Variants in DIP2B observed in about 807,000 individuals in gnomAD.
DIP2B encodes the protein DIP2 acetate--CoA ligase B (putative).
Under a neutral mutation model 198.0 loss-of-function variants are expected in DIP2B, and 76 were observed. The ratio of observed to expected loss-of-function variants is 0.38; its 90% CI spans 0.32 to 0.46. DIP2B has a LOEUF of 0.46. DIP2B is among the 20% of genes least tolerant of loss of function. The pLI, the probability that DIP2B is intolerant of heterozygous loss-of-function variation, is 0.99. For synonymous variants in DIP2B, 701 were observed against 739.1 expected (o/e 0.95, Z 0.84); for missense variants, 1,559 against 1,978.4 (o/e 0.79, Z 4.02).
Position 50,728,433 on chromosome 12 carries a change from T to A in DIP2B, c.3511-115T>A, listed in dbSNP as rs1292630465. On this transcript the variant is annotated intron_variant, in intron 29 of 37. Transcript: ENST00000301180. ...AGATTAGGCTTTGAAGCACTAAAAA[T>A]TATGCATTGTTTTGAGGAGTTTAGG... 3 of 1,236,644 alleles carry A rather than the reference T, an allele frequency of 2.4e-6. No homozygotes were observed. In the African/African-American group the frequency reaches 4.6e-5, roughly 19 times the overall value. The allele number at this position is 1,236,644 out of a possible 1,614,324, so 76.6% of individuals were successfully genotyped here.
intron 5 of DIP2B, among the ~76,000 whole-genome samples, chr12:50,672,776 G>A (rs991474865): frequency 6.6e-6 from 1 of 152,114 alleles, no homozygotes; most frequent in Admixed American, 6.5e-5. Context: ...TTACTGTAGT[G>A]TATATTCTTC....
chr12:50,514,967 T>TA (rs1281122442), intron 1 of DIP2B, among the ~76,000 whole-genome samples: 4 of 151,334 alleles, frequency 2.6e-5, no homozygotes, highest in Admixed American at 6.6e-5. Flanking sequence ...CTTCCAGCTT[T>TA]AAAAAAAACA....
At chr12:50,734,458 ATAAAT>A (rs959869366) in intron 33 of DIP2B, among the ~76,000 whole-genome samples, 11 of 152,274 alleles carry the variant, frequency 7.2e-5, no homozygotes, top group African/African-American at 2.2e-4. Flanking sequence ...GACATTTGAT[ATAAAT>A]TAAACTAAAA....
intron 19 of DIP2B, among the ~76,000 whole-genome samples, chr12:50,702,686 A>G (rs1331591050): frequency 7.4e-6 from 1 of 134,802 alleles, no homozygotes; most frequent in Non-Finnish European, 1.6e-5. Context: ...TACGCCTGTG[A>G]CTAGCCACTG....
chr12:50,585,775 T>C (rs1024191008), intron 1 of DIP2B, among the ~76,000 whole-genome samples: 2 of 152,224 alleles, frequency 1.3e-5, no homozygotes, highest in African/African-American at 4.8e-5. Context: ...TTATATGCAA[T>C]TAATGCAGAG....
intron 1 of DIP2B, among the ~76,000 whole-genome samples, chr12:50,546,876 A>G (rs1180100826): frequency 6.6e-6 from 1 of 152,246 alleles, no homozygotes; most frequent in East Asian, 1.9e-4. Flanking sequence ...TCTCTTGTCA[A>G]GTTATAACTG....
At chr12:50,682,483 G>A (rs989817262) in intron 9 of DIP2B, among the ~76,000 whole-genome samples, 8 of 151,940 alleles carry the variant, frequency 5.3e-5, no homozygotes, top group African/African-American at 7.3e-5. Flanking sequence ...TTAAAAATTA[G>A]CCAGGCGTGG....
Position 50,732,348 on chromosome 12 carries a change from T to A in DIP2B, c.3811-18T>A. On this transcript the variant is annotated intron_variant, in intron 31 of 37. Transcript: ENST00000301180. ...TATGATCCTACTGACTTGGCTCCCA[T>A]ATAATGGTGTCTTGCAGACCAGAGG... The A allele has an allele frequency of 6.2e-7, 1 of 1,613,906 alleles. No individual in the cohort carries two copies. Among genetic ancestry groups the A allele is most frequent in the Non-Finnish European group, 8.5e-7 (1 of 1,179,790 alleles).
In DIP2B at chr12:50,671,407, T is replaced by C. The variant is rs1938852026; in HGVS notation, c.640+9T>C. The C allele has an allele frequency of 6.2e-7, 1 of 1,613,564 alleles. No homozygotes were observed. The highest frequency in any genetic ancestry group is 8.5e-7 in the Non-Finnish European group (1 of 1,179,626). On this transcript the variant is annotated intron_variant, in intron 5 of 37. Coordinates refer to ENST00000301180, the MANE Select transcript of DIP2B (RefSeq NM_173602.3). ...TGCCAATACTCGAATAGGTAGGAGCTGGATCTACCCAAGAAGCCCAAATTA... is the reference window on the plus strand; with the variant it reads ...TGCCAATACTCGAATAGGTAGGAGCCGGATCTACCCAAGAAGCCCAAATTA...
intron 3 of DIP2B, among the ~76,000 whole-genome samples, chr12:50,653,328 CTTTTTTTTTTTTCTTTTCTT>C (rs1938491913): frequency 2.6e-5 from 3 of 116,312 alleles, no homozygotes; most frequent in South Asian, 5.4e-4. Flanking sequence ...GTCTTTCTTT[CTTTTTTTTTTTTCTTTTCTT>C]TTTTTTTTTT....
intron 1 of DIP2B, among the ~76,000 whole-genome samples, chr12:50,539,335 G>C (rs1049411197): frequency 6.6e-6 from 1 of 151,164 alleles, no homozygotes; most frequent in Non-Finnish European, 1.5e-5. Context: ...TATATATAAA[G>C]TGTATGCACA....
chr12:50,534,369 A>ATTTTTTTTTTTTTTTTTTT (rs72095442), intron 1 of DIP2B, among the ~76,000 whole-genome samples: 1 of 107,870 alleles, frequency 9.3e-6, no homozygotes, highest in Non-Finnish European at 1.8e-5. Context: ...TTCTCATTTC[A>ATTTTTTTTTTTTTTTTTTT]TTTTTTTTTT....
At position 50,741,336 on chromosome 12, in the gene DIP2B, A is replaced by G. The variant is rs1592150763; in HGVS notation, c.4355-80A>G. Reference sequence around the variant, plus strand: ...GCAGAGCCAGGTGACAGGCAGTCTGACCCCTGTGCTGTGGACTCCAGTGTT... The same window carrying G: ...GCAGAGCCAGGTGACAGGCAGTCTGGCCCCTGTGCTGTGGACTCCAGTGTT... On this transcript the variant is annotated intron_variant, in intron 36 of 37. Transcript: ENST00000301180. The G allele has an allele frequency of 4.0e-6, 6 of 1,514,882 alleles. No individual in the cohort carries two copies. The Admixed American group carries it at 1.2e-4, about 29-fold the overall frequency. The allele number at this position is 1,514,882 out of a possible 1,614,324, so 93.8% of individuals were successfully genotyped here. A position where few individuals can be genotyped will look rare whatever the true frequency, so the allele number is the denominator to read the frequency against.
chr12:50,516,241 C>CTCTCTCTCTCTATCTCTA (rs1555180929), intron 1 of DIP2B, among the ~76,000 whole-genome samples: 2 of 140,998 alleles, frequency 1.4e-5, no homozygotes, highest in African/African-American at 5.5e-5. Flanking sequence ...CTCTCTCTCT[C>CTCTCTCTCTCTATCTCTA]TCTCTATCTC....
chr12:50,740,079 C>T (rs1226972699), intron 36 of DIP2B, among the ~76,000 whole-genome samples: 1 of 152,212 alleles, frequency 6.6e-6, no homozygotes. Context: ...GATTCCCTCC[C>T]ATCACCCTCT....
At chr12:50,661,710 C>T (rs569024336) in intron 4 of DIP2B, among the ~76,000 whole-genome samples, 3 of 152,298 alleles carry the variant, frequency 2.0e-5, no homozygotes, top group Admixed American at 2.0e-4. Flanking sequence ...AGGGGGCTCT[C>T]AGTTTAGTAG....
chr12:50,611,670 C>T (rs1300924096), intron 1 of DIP2B, among the ~76,000 whole-genome samples: 1 of 152,066 alleles, frequency 6.6e-6, no homozygotes, highest in Non-Finnish European at 1.5e-5. Context: ...TTTACCTACC[C>T]CCAGTACTAG....
At chr12:50,628,528 G>A (rs1362908842) in intron 2 of DIP2B, among the ~76,000 whole-genome samples, 1 of 152,116 alleles carries the variant, frequency 6.6e-6, no homozygotes, top group East Asian at 1.9e-4. Flanking sequence ...TTGCCCCCTT[G>A]GTATGCCGTT....
intron 1 of DIP2B, among the ~76,000 whole-genome samples, chr12:50,529,533 G>T (rs563006745): frequency 7.2e-5 from 11 of 152,312 alleles, no homozygotes; most frequent in Non-Finnish European, 1.3e-4. Flanking sequence ...GTCACTGCTA[G>T]AACATGGAAT....
Sources: allele counts gnomAD v4.1 joint callset (sites outside exome capture counted in the v4.1 genomes callset), GRCh38; gene constraint gnomAD v4.1.1; transcripts MANE v1.5; gene names NCBI Gene and HGNC (gene_info 2026-07-23, HGNC 2026-07-21).